ABL1: variants seen among roughly 807,000 people sequenced by gnomAD.
ABL1 encodes the protein ABL proto-oncogene 1, non-receptor tyrosine kinase.
ABL1 carries 11 observed loss-of-function variants against 94.7 expected under a neutral mutation model. That is an observed-to-expected ratio of 0.12 (90% CI 0.07 to 0.19). The LOEUF is 0.19. ABL1 is among the 10% of genes least tolerant of loss of function. The probability of loss-of-function intolerance (pLI) is 1.00; values close to 1 mark genes in which losing one functional copy is unlikely to be tolerated. For missense variants in ABL1, 1,082 were observed against 1,489.4 expected (o/e 0.73, Z 4.50); for synonymous variants, 656 against 622.4 (o/e 1.05, Z -0.80).
chr9:130,797,836 A>G (rs1358484141), intron 1 of ABL1, among the ~76,000 whole-genome samples: 5 of 152,200 alleles, frequency 3.3e-5, no homozygotes, highest in Admixed American at 6.5e-5. Context: ...TTCTTCTCCC[A>G]TGGCTGATGT....
chr9:130,822,552 C>T lies in ABL1; in HGVS notation c.137-31512C>T, dbSNP rs75942787. On this transcript the variant is annotated intron_variant, in intron 1 of 10. Transcript: ENST00000372348. ...CCTAGTAGCTGGGACTATAGGCACA[C>T]ACCAGTGTACCAGGGGTTGTCTGTC... Among the ~76,000 whole-genome samples, 827 of 150,714 alleles carry T rather than the reference C, an allele frequency of 5.5e-3. 11 individuals carry two copies. Among genetic ancestry groups the T allele is most frequent in the African/African-American group, 0.019 (787 of 41,006 alleles).
rs146737741 is a variant in ABL1 at position 130,728,186 on chromosome 9, C to T, written c.136+13731C>T. On this transcript the variant is annotated intron_variant, in intron 1 of 10. Transcript: ENST00000372348. Reference sequence around the variant, plus strand: ...TCAAGCTGTTCTCCCACCTCAGCCTCCTGAGTAGCTGGGACTATGGGCATG... The same window carrying T: ...TCAAGCTGTTCTCCCACCTCAGCCTTCTGAGTAGCTGGGACTATGGGCATG... 4.2e-3 allele frequency among the ~76,000 whole-genome samples: 624 copies of T among 149,458 alleles called. 4 individuals carry two copies. The highest frequency in any genetic ancestry group is 0.015 in the African/African-American group (602 of 39,894).
intron 1 of ABL1, among the ~76,000 whole-genome samples, chr9:130,765,404 A>G (rs977155127): frequency 5.3e-5 from 8 of 152,204 alleles, no homozygotes; most frequent in African/African-American, 1.9e-4. Flanking sequence ...GGTGTTGGAT[A>G]GGCCATGATT....
chr9:130,804,078 C>G (rs1281216568), intron 1 of ABL1, among the ~76,000 whole-genome samples: 1 of 151,864 alleles, frequency 6.6e-6, no homozygotes, highest in South Asian at 2.1e-4. Flanking sequence ...AAAAAATGAC[C>G]GGACACAGTT....
In ABL1 at chr9:130,836,420, C is replaced by A. The variant is rs144423171; in HGVS notation, c.79+895C>A. On this transcript the variant is annotated intron_variant, in intron 1 of 10. Coordinates refer to ENST00000318560, the MANE Select transcript of ABL1 (RefSeq NM_005157.6). ...GCTTCTAGGTGGGTATGAAATTGAT[C>A]TGATTTGAGACTGGTGCTCCCAGAC... Among the ~76,000 whole-genome samples the A allele has an allele frequency of 2.0e-5, 3 of 152,242 alleles. No homozygotes were observed. In the South Asian group the frequency reaches 6.2e-4, roughly 32 times the overall value.
intron 1 of ABL1, among the ~76,000 whole-genome samples, chr9:130,801,093 CT>C (rs1830048836): frequency 6.6e-6 from 1 of 151,806 alleles, no homozygotes; most frequent in Admixed American, 6.6e-5. Flanking sequence ...CCACACCCAG[CT>C]AATTTTTGTA....
At chr9:130,755,572 G>A (rs1227854823) in intron 1 of ABL1, among the ~76,000 whole-genome samples, 2 of 152,168 alleles carry the variant, frequency 1.3e-5, no homozygotes, top group African/African-American at 4.8e-5. Context: ...TTGCCTGGTA[G>A]GACGTATTTC....
At chr9:130,864,724 G>C (rs1374747824) in intron 4 of ABL1, among the ~76,000 whole-genome samples, 1 of 152,212 alleles carries the variant, frequency 6.6e-6, no homozygotes, top group Non-Finnish European at 1.5e-5. Flanking sequence ...ACACCACCAG[G>C]GGGTGAACGA....
chr9:130,805,157 A>G (rs1311883316), intron 1 of ABL1, among the ~76,000 whole-genome samples: 1 of 152,114 alleles, frequency 6.6e-6, no homozygotes, highest in South Asian at 2.1e-4. Flanking sequence ...GCTCACTGCA[A>G]CCTCTGCCTC....
chr9:130,759,042 G>A (rs1424763313), intron 1 of ABL1, among the ~76,000 whole-genome samples: 3 of 152,086 alleles, frequency 2.0e-5, no homozygotes, highest in Non-Finnish European at 2.9e-5. Flanking sequence ...GCTGTTTGTC[G>A]TATAAAATCC....
intron 1 of ABL1, among the ~76,000 whole-genome samples, chr9:130,853,052 GGT>G (rs1177944587): frequency 6.6e-6 from 1 of 152,002 alleles, no homozygotes; most frequent in African/African-American, 2.4e-5. Flanking sequence ...TGATCTAGCT[GGT>G]ACTTAGAGAG....
chr9:130,848,538 T>C (rs1830810165), intron 1 of ABL1, among the ~76,000 whole-genome samples: 1 of 150,988 alleles, frequency 6.6e-6, no homozygotes, highest in Non-Finnish European at 1.5e-5. Flanking sequence ...AAAAAAAAAT[T>C]TCAATTGGCT....
intron 10 of ABL1, among the ~76,000 whole-genome samples, 188 bp from the exon 11 acceptor site, chr9:130,883,781 C>T (rs1831508275): frequency 6.6e-6 from 1 of 152,178 alleles, no homozygotes; most frequent in African/African-American, 2.4e-5. Context: ...CCATTATGCA[C>T]AGGAGATAAG....
At chr9:130,866,653 CAGAAG>C (rs1469438744) in intron 4 of ABL1, among the ~76,000 whole-genome samples, 3 of 152,130 alleles carry the variant, frequency 2.0e-5, no homozygotes. Flanking sequence ...AGAAGGAAGA[CAGAAG>C]AGAACAGGAA....
intron 1 of ABL1, among the ~76,000 whole-genome samples, chr9:130,748,599 G>A (rs534202148): frequency 7.4e-5 from 11 of 148,462 alleles, no homozygotes; most frequent in African/African-American, 9.9e-5. Context: ...TTTTTGAGAC[G>A]GAGTCTTGCT....
chr9:130,738,153 A>G (rs1831769499), intron 1 of ABL1, among the ~76,000 whole-genome samples: 1 of 152,172 alleles, frequency 6.6e-6, no homozygotes, highest in South Asian at 2.1e-4. Context: ...GTGGTCTATT[A>G]GGAGAAAAAC....
intron 1 of ABL1, among the ~76,000 whole-genome samples, chr9:130,763,112 G>C (rs149214631): frequency 1.3e-3 from 201 of 151,070 alleles, no homozygotes; most frequent in African/African-American, 4.6e-3. Context: ...TATGACATTT[G>C]TTTCAGCCTC....
chr9:130,761,482 G>A (rs991608928), intron 1 of ABL1, among the ~76,000 whole-genome samples: 4 of 152,120 alleles, frequency 2.6e-5, no homozygotes, highest in South Asian at 2.1e-4. Context: ...TATTCAGACC[G>A]GAAGGAGGAC....
chr9:130,768,131 C>T (rs367902942), intron 1 of ABL1, among the ~76,000 whole-genome samples: 1 of 152,160 alleles, frequency 6.6e-6, no homozygotes, highest in Non-Finnish European at 1.5e-5. Flanking sequence ...GGGAGAGCCC[C>T]CTTCCCCCCA....
Sources: gnomAD v4.1 joint callset for allele counts (sites outside exome capture counted in the v4.1 genomes callset) on GRCh38, gnomAD v4.1.1 for gene constraint, MANE v1.5 for transcripts, NCBI Gene and HGNC (gene_info 2026-07-23, HGNC 2026-07-21) for gene names.